The following NKAIN3 variants were observed in gnomAD, a reference collection of about 807,000 sequenced individuals.
The protein encoded by NKAIN3 is sodium/potassium-transporting ATPase subunit beta-1-interacting protein 3.
Under a neutral mutation model 30.2 loss-of-function variants are expected in NKAIN3, and 25 were observed. The ratio of observed to expected loss-of-function variants is 0.83; its 90% confidence interval spans 0.60 to 1.16. The LOEUF is 1.16. NKAIN3 is among the 50% of genes most tolerant of loss of function. The pLI is 0.00. For synonymous variants in NKAIN3, 91 were observed against 89.6 expected (o/e 1.02, Z -0.09); for missense variants, 225 against 254.1 (o/e 0.89, Z 0.78).
chr8:62,346,416 A>G (rs900461733), intron 1 of NKAIN3, among the ~76,000 whole-genome samples: 7 of 152,134 alleles, frequency 4.6e-5, no homozygotes, highest in Admixed American at 2.0e-4. Flanking sequence ...GAACTGTACC[A>G]TATTAGCCAA....
intron 1 of NKAIN3, among the ~76,000 whole-genome samples, chr8:62,350,055 G>A (rs532761917): frequency 6.6e-6 from 1 of 152,182 alleles, no homozygotes; most frequent in East Asian, 1.9e-4. Context: ...ACTGTGAAAA[G>A]CTGTATGGCA....
intron 1 of NKAIN3, among the ~76,000 whole-genome samples, chr8:62,263,385 G>A (rs772239293): frequency 2.8e-4 from 43 of 152,152 alleles, no homozygotes; most frequent in Non-Finnish European, 5.3e-4. Flanking sequence ...TTTGGATTAA[G>A]TGTCAGCTGT....
At chr8:62,618,863 G>C (rs185873930) in intron 3 of NKAIN3, among the ~76,000 whole-genome samples, 1 of 151,936 alleles carries the variant, frequency 6.6e-6, no homozygotes, top group Admixed American at 6.6e-5. Context: ...CTGAGATCGC[G>C]CCACGGCACC....
intron 3 of NKAIN3, among the ~76,000 whole-genome samples, chr8:62,595,108 A>G (rs1330330510): frequency 2.0e-5 from 3 of 151,982 alleles, no homozygotes; most frequent in African/African-American, 4.8e-5. Flanking sequence ...GAAAATTGAC[A>G]TACTGACTTT....
chr8:62,955,791 C>G (rs187258227), intron 6 of NKAIN3, among the ~76,000 whole-genome samples: 17 of 152,268 alleles, frequency 1.1e-4, no homozygotes, highest in Admixed American at 1.1e-3. Flanking sequence ...CAAAAACACC[C>G]AAAACATACT....
chr8:62,648,001 C>T (rs1237760632), intron 3 of NKAIN3, among the ~76,000 whole-genome samples: 1 of 152,054 alleles, frequency 6.6e-6, no homozygotes, highest in Non-Finnish European at 1.5e-5. Context: ...CTATGAGAAA[C>T]AGGATGTACA....
intron 1 of NKAIN3, among the ~76,000 whole-genome samples, chr8:62,443,436 T>G (rs1805391394): frequency 6.6e-6 from 1 of 152,150 alleles, no homozygotes; most frequent in South Asian, 2.1e-4. Flanking sequence ...CAGGCTGGAG[T>G]ACAGTGGCAC....
chr8:62,347,132 T>C (rs1217546079), intron 1 of NKAIN3, among the ~76,000 whole-genome samples: 1 of 152,174 alleles, frequency 6.6e-6, no homozygotes, highest in Non-Finnish European at 1.5e-5. Flanking sequence ...AACAGGATTT[T>C]AATGTGAAGG....
At chr8:62,254,866 C>T (rs9987255) in intron 1 of NKAIN3, among the ~76,000 whole-genome samples, 90,676 of 151,986 alleles carry the variant, frequency 0.6, 27,278 homozygotes, top group East Asian at 0.68. Flanking sequence ...TTTAAATTAG[C>T]GTTAACATTA....
At chr8:62,557,551 A>G (rs1037701836) in intron 1 of NKAIN3, among the ~76,000 whole-genome samples, 4 of 152,112 alleles carry the variant, frequency 2.6e-5, no homozygotes, top group African/African-American at 9.7e-5. Flanking sequence ...CCTGTTTACC[A>G]CATCCACGCC....
chr8:62,323,770 C>G (rs2129589599), intron 1 of NKAIN3, among the ~76,000 whole-genome samples: 1 of 151,828 alleles, frequency 6.6e-6, no homozygotes, highest in African/African-American at 2.4e-5. Flanking sequence ...TATTATTGAC[C>G]AATACAAAGA....
intron 4 of NKAIN3, among the ~76,000 whole-genome samples, chr8:62,806,571 G>C (rs375062762): frequency 6.6e-6 from 1 of 151,940 alleles, no homozygotes; most frequent in South Asian, 2.1e-4. Flanking sequence ...ACCAAACACC[G>C]CATGTTCTCA....
chr8:62,532,816 G>A (rs75321492), intron 1 of NKAIN3, among the ~76,000 whole-genome samples: 3 of 152,102 alleles, frequency 2.0e-5, no homozygotes, highest in Admixed American at 1.3e-4. Context: ...CGCATGGATC[G>A]AGTAGTGAGA....
chr8:62,535,963 G>T (rs827712), intron 1 of NKAIN3, among the ~76,000 whole-genome samples: 70,237 of 151,864 alleles, frequency 0.46, 16,685 homozygotes, highest in African/African-American at 0.57. Flanking sequence ...ACAAAAGACT[G>T]TAACAAGGGC....
At chr8:62,295,060 C>T (rs1216810601) in intron 1 of NKAIN3, among the ~76,000 whole-genome samples, 1 of 152,022 alleles carries the variant, frequency 6.6e-6, no homozygotes, top group Non-Finnish European at 1.5e-5. Flanking sequence ...GGCACCTGTC[C>T]CTGAGACTTT....
rs200175437 is a variant in NKAIN3 at position 62,840,350 on chromosome 8, TA to T, written c.472-78090del. The stretch of plus-strand genomic sequence containing the variant: ...CTATAGACATATCCATCAAGCTTTC[TA>T]AAAAAAAAAAAATTAACAGTAAAAC... On this transcript the variant is annotated intron_variant, in intron 4 of 6. Coordinates refer to ENST00000623646, the MANE Select transcript of NKAIN3 (RefSeq NM_001304533.3). Among the ~76,000 whole-genome samples the T allele has an allele frequency of 1.5e-3, 205 of 135,300 alleles. 1 individual carries two copies. The highest frequency in any genetic ancestry group is 3.0e-3 in the Admixed American group (39 of 13,038). 88.8% of individuals were successfully genotyped at this position (135,300 alleles called of 152,430 possible).
downstream of NKAIN3, among the ~76,000 whole-genome samples, chr8:62,988,703 G>A (rs1460385554): frequency 1.3e-5 from 2 of 152,242 alleles, no homozygotes; most frequent in African/African-American, 4.8e-5. Context: ...GGCCTGTGAT[G>A]GGAGGGGCAG....
At chr8:62,260,102 G>A (rs370778911) in intron 1 of NKAIN3, among the ~76,000 whole-genome samples, 3 of 151,854 alleles carry the variant, frequency 2.0e-5, no homozygotes, top group Non-Finnish European at 4.4e-5. Context: ...TCAGTTTCTC[G>A]TAAGAGATAT....
intron 5 of NKAIN3, among the ~76,000 whole-genome samples, chr8:62,943,821 T>C (rs1051504970): frequency 9.4e-5 from 14 of 149,298 alleles, no homozygotes; most frequent in African/African-American, 2.4e-4. Flanking sequence ...TATATATATA[T>C]ACACCATGGA....
Sources: allele counts gnomAD v4.1 joint callset (sites outside exome capture counted in the v4.1 genomes callset), GRCh38; gene constraint gnomAD v4.1.1; transcripts MANE v1.5; gene names NCBI Gene and HGNC (gene_info 2026-07-23, HGNC 2026-07-21).